The following FANCA variants were observed in gnomAD, a reference collection of about 807,000 sequenced individuals.
FANCA encodes FA complementation group A.
In FANCA, 236 loss-of-function variants were observed where a neutral mutation model predicts 194.3. The observed-to-expected ratio is 1.21, with a 90% CI of 1.09 to 1.35. FANCA has a LOEUF of 1.35. Among genes scored for constraint, FANCA ranks in the 40% most tolerant of loss-of-function variants. FANCA has a pLI of 0.00. For missense variants in FANCA, 2,628 were observed against 1,813.9 expected (o/e 1.45, Z -8.15); for synonymous variants, 1,014 against 715.8 (o/e 1.42, Z -6.65).
Position 89,805,379 on chromosome 16 carries a change from G to A in FANCA, c.610C>T (p.His204Tyr), listed in dbSNP as rs749380996. Residue 204 changes from histidine to tyrosine, a missense_variant, in exon 7 of 43, where the codon CAT becomes TAT. His to Tyr is a moderately conservative substitution (Grantham distance 83). Coordinates refer to ENST00000389301, the MANE Select transcript of FANCA (RefSeq NM_000135.4). ...QELLESHPDM[H>Y]AVGSWLFRNL... ...CTGAAGAGCCACGATCCCACAGCAT[G>A]CATGTCGGGATGGCTGGAGACACAC... 2 of 1,613,302 alleles carry A rather than the reference G, an allele frequency of 1.2e-6. No individual in the cohort carries two copies. The highest frequency in any genetic ancestry group is 2.2e-5 in the East Asian group (1 of 44,876).
At chr16:89,786,594 G>A (rs951592315) in intron 14 of FANCA, among the ~76,000 whole-genome samples, 1 of 152,196 alleles carries the variant, frequency 6.6e-6, no homozygotes, top group African/African-American at 2.4e-5. Context: ...TGGGATTACA[G>A]GCATGAACTA....
intron 35 of FANCA, 94 bp downstream of exon 35, chr16:89,746,490 C>T (rs2038394681): frequency 4.0e-6 from 4 of 988,714 alleles, no homozygotes; most frequent in Non-Finnish European, 6.5e-6. Context: ...ATGGTAACAC[C>T]CGTGATGGAG....
chr16:89,748,875 C>T, intron 32 of FANCA, 108 bp from the exon 33 acceptor site: 1 of 870,992 alleles, frequency 1.1e-6, no homozygotes. Context: ...CCCAGGGCCA[C>T]TGTTGGAACC....
chr16:89,788,392 T>C (rs1163390534), intron 14 of FANCA, among the ~76,000 whole-genome samples: 8 of 152,104 alleles, frequency 5.3e-5, no homozygotes, highest in Admixed American at 5.2e-4. Context: ...ACCCAGGAGG[T>C]GGGAGTTGCA....
chr16:89,814,393 G>C (rs187485156), intron 3 of FANCA, 127 bp downstream of exon 3: 5 of 667,220 alleles, frequency 7.5e-6, no homozygotes, highest in African/African-American at 1.8e-5. Context: ...TAGAATTTGC[G>C]ACTACACACA....
chr16:89,746,557 A>G (rs770811076), intron 35 of FANCA, 27 bp downstream of exon 35: 6 of 1,600,536 alleles, frequency 3.7e-6, no homozygotes, highest in Non-Finnish European at 5.1e-6. Flanking sequence ...CCCCAAAACA[A>G]AACACCAAAC....
In FANCA at chr16:89,738,465, A is replaced by T. The variant is rs554999842; in HGVS notation, c.*136T>A. 6 of 1,454,246 alleles carry T rather than the reference A, an allele frequency of 4.1e-6. No homozygotes were observed. The African/African-American group carries it at 8.4e-5, about 20-fold the overall frequency. 90.1% of individuals were successfully genotyped at this position (1,454,246 alleles called of 1,614,324 possible). Reference sequence around the variant, plus strand: ...AGTGACTCGGGGCCGGACAGTTCATAAATAATTGATTCCTTTCCCCACTAA... The same window carrying T: ...AGTGACTCGGGGCCGGACAGTTCATTAATAATTGATTCCTTTCCCCACTAA... On this transcript the variant is annotated 3_prime_UTR_variant, in exon 43 of 43. Transcript: ENST00000389301.
At chr16:89,784,625 C>G (rs16966142) in intron 15 of FANCA, among the ~76,000 whole-genome samples, 18 of 151,860 alleles carry the variant, frequency 1.2e-4, no homozygotes, top group Non-Finnish European at 1.3e-4. Flanking sequence ...TAGCAGTTGC[C>G]TTGACTGGCA....
chr16:89,783,109 A>T lies in FANCA; in HGVS notation c.1471-7T>A, dbSNP rs370644164. On this transcript the variant is annotated splice_region_variant and splice_polypyrimidine_tract_variant and intron_variant, in intron 15 of 42. Transcript: ENST00000389301. The stretch of plus-strand genomic sequence containing the variant: ...GTGGGTGGAGAATGTGCACCTGAGG[A>T]TAGATAGCAGAGCGCAGCACCGTTA... 3.2e-5 allele frequency: 52 copies of T among 1,606,220 alleles called. No individual in the cohort carries two copies. The highest frequency in any genetic ancestry group is 3.9e-5 in the Non-Finnish European group (46 of 1,173,280).
rs564415118 is a variant in FANCA, at chr16:89,795,264, A to G, written c.1006+642T>C. Among the ~76,000 whole-genome samples the G allele has an allele frequency of 4.0e-5, 6 of 151,544 alleles. No homozygotes were observed. In the South Asian group the frequency reaches 1.3e-3, roughly 32 times the overall value. ...CACGCCACTGTACTCCAACCTGGCA[A>G]CAGAGCAAGACTCCATCTCCAATAA... On this transcript the variant is annotated intron_variant, in intron 11 of 42. Coordinates refer to ENST00000389301, the MANE Select transcript of FANCA (RefSeq NM_000135.4).
intron 6 of FANCA, among the ~76,000 whole-genome samples, chr16:89,805,910 C>T (rs2040623193): frequency 6.6e-6 from 1 of 151,776 alleles, no homozygotes; most frequent in South Asian, 2.1e-4. Flanking sequence ...GTTTTATGGC[C>T]TGAACCTTTT....
chr16:89,790,009 C>T (rs1436953822), intron 14 of FANCA, among the ~76,000 whole-genome samples: 1 of 152,170 alleles, frequency 6.6e-6, no homozygotes, highest in Non-Finnish European at 1.5e-5. Context: ...GCTGCATAAA[C>T]TTCTGTCAGA....
At chr16:89,767,781 T>C (rs1173986728) in intron 26 of FANCA, among the ~76,000 whole-genome samples, 3 of 152,016 alleles carry the variant, frequency 2.0e-5, no homozygotes, top group East Asian at 1.9e-4. Context: ...ATCTCCTGAC[T>C]TCGTGCTCCG....
intron 29 of FANCA, among the ~76,000 whole-genome samples, chr16:89,759,379 G>C (rs1159899543): frequency 1.4e-5 from 2 of 144,528 alleles, no homozygotes; most frequent in African/African-American, 2.5e-5. Context: ...GAGGGCACCT[G>C]AGCTACTCAC....
At chr16:89,801,343 CAAA>C (rs60802306) in intron 8 of FANCA, among the ~76,000 whole-genome samples, 5 of 100,304 alleles carry the variant, frequency 5.0e-5, no homozygotes, top group Admixed American at 1.1e-4. Context: ...GACTCTGTCT[CAAA>C]AAAAAAAAAA....
In FANCA at chr16:89,764,946, G is replaced by C. The variant is rs771533453; in HGVS notation, c.2722C>G (p.Leu908Val). 1 of 1,614,206 alleles carries C rather than the reference G, an allele frequency of 6.2e-7. No individual in the cohort carries two copies. Among genetic ancestry groups the C allele is most frequent in the Non-Finnish European group, 8.5e-7 (1 of 1,180,022 alleles). The change falls in exon 28 of 43, where the codon CTC becomes GTC. Residue 908 changes from leucine to valine, a missense_variant. Transcript: ENST00000389301. ...AAGGTTCTGTGTGTCCAGAGAGAGA[G>C]GGCAGCTCTCTGCCAGTCTGCAGAA... Reference protein sequence around the residue: ...LPSADWQRAALSLWTHRTFRE... With the variant: ...LPSADWQRAAVSLWTHRTFRE...
rs1040686942 is a variant in FANCA, at chr16:89,798,472, A to G, written c.893+694T>C. 4.6e-5 allele frequency: 50 copies of G among 1,094,784 alleles called. No homozygotes were observed. The Middle Eastern group carries it at 1.2e-3, about 26-fold the overall frequency. 67.8% of individuals were successfully genotyped at this position (1,094,784 alleles called of 1,614,324 possible). A position where few individuals can be genotyped will look rare whatever the true frequency, so the allele number is the denominator to read the frequency against. On this transcript the variant is annotated intron_variant, in intron 10 of 42. Coordinates refer to ENST00000389301, the MANE Select transcript of FANCA (RefSeq NM_000135.4). ...GGATGGGAAATGAGGAGCAAAATAA[A>G]GAATGAAAAGGTTGACAAGGCCTGG...
rs745646825 is a variant in FANCA, at chr16:89,792,460, C to T, written c.1083+11G>A. 4 of 1,612,834 alleles carry T rather than the reference C, an allele frequency of 2.5e-6. No homozygotes were observed. The South Asian group carries it at 4.4e-5, about 18-fold the overall frequency. ...GAGCTCAGAAGCAGGTATAATACCA[C>T]ATCCACTCACCCTGCGGTACAGTGA... is the stretch of plus-strand genomic sequence containing the variant. On this transcript the variant is annotated intron_variant, in intron 12 of 42. Coordinates refer to ENST00000389301, the MANE Select transcript of FANCA (RefSeq NM_000135.4).
intron 31 of FANCA, among the ~76,000 whole-genome samples, chr16:89,751,706 G>A (rs2038598058): frequency 6.6e-6 from 1 of 152,070 alleles, no homozygotes; most frequent in South Asian, 2.1e-4. Flanking sequence ...ATAGACTTCA[G>A]GTGATCCACC....
Sources: gnomAD v4.1 joint callset for allele counts (sites outside exome capture counted in the v4.1 genomes callset) on GRCh38, gnomAD v4.1.1 for gene constraint, MANE v1.5 for transcripts, NCBI Gene and HGNC (gene_info 2026-07-23, HGNC 2026-07-21) for gene names.